BNC2: variants seen among roughly 807,000 people sequenced by gnomAD.
BNC2 encodes zinc finger protein basonuclin-2.
BNC2 carries 20 observed loss-of-function variants against 76.3 expected under a neutral mutation model. The ratio of observed to expected loss-of-function variants is 0.26; its 90% CI spans 0.18 to 0.38. BNC2 has a LOEUF of 0.38. Ranked by LOEUF, BNC2 falls within the 10% of genes least tolerant of loss-of-function variation. BNC2 has a pLI of 1.00. For missense variants in BNC2, 1,382 were observed against 1,399.8 expected, an observed-to-expected ratio of 0.99 and a Z score of 0.20; for synonymous variants, 582 against 514.8, an observed-to-expected ratio of 1.13 and a Z score of -1.77.
chr9:16,437,211 A>G lies in BNC2; in HGVS notation c.983T>C (p.Ile328Thr), dbSNP rs370167846. ...TAGCAGTGGTGCTGAGACAGGGTTT[A>G]TGTACTGGAATGGAAGCAGAAATGC... is the stretch of plus-strand genomic sequence containing the variant. ...SLAFLLPFQYINPVSAPLLGL... is the reference protein window; with the variant it reads ...SLAFLLPFQYTNPVSAPLLGL... Residue 328 changes from isoleucine (I) to threonine (T), a missense_variant, in exon 6 of 7, where the codon ATA becomes ACA. Around this residue, in one of 3 missense-constraint regions of BNC2, gnomAD observed 557 missense variants for 540.9 expected, o/e 1.03. Coordinates refer to ENST00000380672, the MANE Select transcript of BNC2 (RefSeq NM_017637.6). 8.7e-6 allele frequency: 14 copies of G among 1,614,058 alleles called. No homozygotes were observed. The highest frequency in any genetic ancestry group is 1.1e-5 in the Non-Finnish European group (13 of 1,180,032).
At chr9:16,811,487 G>C (rs942340984) in intron 1 of BNC2, among the ~76,000 whole-genome samples, 3 of 143,124 alleles carry the variant, frequency 2.1e-5, no homozygotes, top group African/African-American at 7.5e-5. Flanking sequence ...GGGAGACGGA[G>C]GTTGCGGTGA....
At chr9:16,680,630 A>G (rs964866478) in intron 3 of BNC2, among the ~76,000 whole-genome samples, 2 of 151,996 alleles carry the variant, frequency 1.3e-5, no homozygotes, top group East Asian at 3.9e-4. Flanking sequence ...CCATTTGCCA[A>G]AAAGTGTAAA....
intron 3 of BNC2, among the ~76,000 whole-genome samples, chr9:16,690,058 A>T (rs939285363): frequency 2.0e-5 from 3 of 152,184 alleles, no homozygotes; most frequent in African/African-American, 7.2e-5. Flanking sequence ...TTCAGCCTAC[A>T]ATTTAACTAG....
chr9:16,456,317 T>A (rs1409788056), intron 5 of BNC2, among the ~76,000 whole-genome samples: 3 of 152,110 alleles, frequency 2.0e-5, no homozygotes, highest in Non-Finnish European at 2.9e-5. Flanking sequence ...CATGTTCTAT[T>A]TGCTCTATGT....
intron 4 of BNC2, among the ~76,000 whole-genome samples, chr9:16,562,861 T>C (rs1819055626): frequency 6.6e-6 from 1 of 152,204 alleles, no homozygotes; most frequent in Non-Finnish European, 1.5e-5. Flanking sequence ...AGTTATATAT[T>C]ATAGTACATA....
At chr9:16,454,706 A>C (rs551996266) in intron 5 of BNC2, among the ~76,000 whole-genome samples, 1 of 152,328 alleles carries the variant, frequency 6.6e-6, no homozygotes, top group African/African-American at 2.4e-5. Flanking sequence ...ATCCTTACTA[A>C]AAAATAAAAC....
chr9:16,708,596 G>C (rs1347505765), intron 3 of BNC2, among the ~76,000 whole-genome samples: 1 of 152,074 alleles, frequency 6.6e-6, no homozygotes, highest in Non-Finnish European at 1.5e-5. Context: ...GCAAAGAGAT[G>C]GTGTGGGAGG....
intron 1 of BNC2, among the ~76,000 whole-genome samples, chr9:16,803,412 AG>A (rs1161853503): frequency 2.0e-5 from 3 of 152,208 alleles, no homozygotes; most frequent in Non-Finnish European, 4.4e-5. Flanking sequence ...CAACGAAGGG[AG>A]GCAAGGGCTG....
At chr9:16,468,040 CTTTTTTTT>C (rs748053541) in intron 5 of BNC2, among the ~76,000 whole-genome samples, 1 of 129,554 alleles carries the variant, frequency 7.7e-6, no homozygotes, top group African/African-American at 3.1e-5. Flanking sequence ...CTTTCTTTCT[CTTTTTTTT>C]TTTTTTTTTT....
intron 1 of BNC2, among the ~76,000 whole-genome samples, chr9:16,852,800 T>TG (rs1315270252): frequency 6.9e-6 from 1 of 144,832 alleles, no homozygotes; most frequent in African/African-American, 2.5e-5. Flanking sequence ...TGCAAAAGTG[T>TG]GAAAAAAAAG....
intron 1 of BNC2, among the ~76,000 whole-genome samples, chr9:16,847,433 AAGC>A: frequency 9.2e-6 from 1 of 108,224 alleles, no homozygotes; most frequent in Admixed American, 1.2e-4. Context: ...AACAACCCTG[AAGC>A]TTTCACTGAG....
At chr9:16,502,238 T>A (rs752111166) in intron 5 of BNC2, among the ~76,000 whole-genome samples, 9 of 152,020 alleles carry the variant, frequency 5.9e-5, no homozygotes, top group Non-Finnish European at 1.0e-4. Flanking sequence ...ATGGCACACA[T>A]CTGTAGTGCT....
chr9:16,428,758 T>C (rs1820849063), intron 6 of BNC2, among the ~76,000 whole-genome samples: 1 of 152,138 alleles, frequency 6.6e-6, no homozygotes, highest in Non-Finnish European at 1.5e-5. Context: ...CCCTAGTTAA[T>C]AAAAGAAGTA....
intron 1 of BNC2, among the ~76,000 whole-genome samples, chr9:16,861,181 A>ATATATATATATATATATATATAT: frequency 7.6e-6 from 1 of 131,766 alleles, no homozygotes; most frequent in African/African-American, 3.1e-5. Context: ...ATCTCTACAA[A>ATATATATATATATATATATATAT]ATATATATAT....
intron 5 of BNC2, among the ~76,000 whole-genome samples, chr9:16,438,495 G>A (rs1587026563): frequency 6.6e-6 from 1 of 152,094 alleles, no homozygotes; most frequent in East Asian, 1.9e-4. Flanking sequence ...AGATTTGCCT[G>A]GAGGTAGGAC....
rs2118984408 is a variant in BNC2, at chr9:16,416,832, G to C, written c.*2157C>G. The C allele has an allele frequency of 6.6e-6, 1 of 152,460 alleles. No individual in the cohort carries two copies. The highest frequency in any genetic ancestry group is 1.9e-4 in the East Asian group (1 of 5,174). 9.4% of individuals were successfully genotyped at this position (152,460 alleles called of 1,614,324 possible). The stretch of plus-strand genomic sequence containing the variant: ...ATCCCCAACTAATGATGCTTATTTT[G>C]GGAAACAATAAATACTGTGAGGTAC... On this transcript the variant is annotated 3_prime_UTR_variant, in exon 7 of 7. Coordinates refer to ENST00000380672, the MANE Select transcript of BNC2 (RefSeq NM_017637.6).
intron 3 of BNC2, among the ~76,000 whole-genome samples, chr9:16,669,062 G>C (rs1822391040): frequency 6.6e-6 from 1 of 151,988 alleles, no homozygotes; most frequent in East Asian, 1.9e-4. Context: ...GTTTAAATTA[G>C]TCATAATACC....
At chr9:16,592,228 T>C (rs924143882) in intron 3 of BNC2, among the ~76,000 whole-genome samples, 27 of 152,186 alleles carry the variant, frequency 1.8e-4, no homozygotes, top group Admixed American at 3.3e-4. Flanking sequence ...AGTTGACCTT[T>C]GAACATCAAA....
intron 3 of BNC2, among the ~76,000 whole-genome samples, chr9:16,639,995 AAGAGTGATTTTGATTTTTAC>A (rs1821445176): frequency 6.6e-6 from 1 of 152,106 alleles, no homozygotes; most frequent in Non-Finnish European, 1.5e-5. Context: ...GGGATTTTTT[AAGAGTGATTTTGATTTTTAC>A]AGATCTATGA....
Sources: allele counts gnomAD v4.1 joint callset (sites outside exome capture counted in the v4.1 genomes callset), GRCh38; gene constraint gnomAD v4.1.1; regional missense constraint gnomAD v4.1.1; transcripts MANE v1.5; gene names NCBI Gene and HGNC (gene_info 2026-07-23, HGNC 2026-07-21).